The following DGKB variants were observed in gnomAD, a reference collection of about 807,000 sequenced individuals.
DGKB encodes the protein diacylglycerol kinase beta.
Under a neutral mutation model 114.3 loss-of-function variants are expected in DGKB, and 67 were observed. The ratio of observed to expected loss-of-function variants is 0.59; its 90% CI spans 0.48 to 0.72. The LOEUF is 0.72. DGKB is among the 30% of genes least tolerant of loss of function. The pLI is 0.00. For synonymous variants in DGKB, 398 were observed against 323.1 expected (o/e 1.23, Z -2.49); for missense variants, 907 against 975.2 (o/e 0.93, Z 0.93).
intron 1 of DGKB, among the ~76,000 whole-genome samples, chr7:14,928,863 T>C (rs577472938): frequency 1.5e-4 from 23 of 152,072 alleles, no homozygotes; most frequent in Non-Finnish European, 2.8e-4. Flanking sequence ...TTGTCTATTA[T>C]TCCACACTTG....
chr7:14,865,098 C>CT (rs11413154), intron 1 of DGKB, among the ~76,000 whole-genome samples: 148,224 of 152,232 alleles, frequency 0.97, 72,283 homozygotes, highest in Middle Eastern at 1. Context: ...TATTGGTGAA[C>CT]AAAATGTGAT....
intron 1 of DGKB, among the ~76,000 whole-genome samples, chr7:14,863,997 G>A (rs1402334682): frequency 6.6e-6 from 1 of 151,640 alleles, no homozygotes; most frequent in Admixed American, 6.6e-5. Flanking sequence ...TACTAGGGAG[G>A]CTGAGGCAGG....
At chr7:14,719,494 A>T (rs1409438884) in intron 5 of DGKB, among the ~76,000 whole-genome samples, 4 of 142,202 alleles carry the variant, frequency 2.8e-5, no homozygotes, top group East Asian at 2.3e-4. Flanking sequence ...ATAAACCGCA[A>T]TTATCCCTTG....
intron 1 of DGKB, among the ~76,000 whole-genome samples, chr7:14,861,683 G>A (rs868546913): frequency 6.6e-6 from 1 of 151,708 alleles, no homozygotes; most frequent in South Asian, 2.1e-4. Context: ...TTATGGCCTG[G>A]CCTGTTTTGA....
chr7:14,782,714 G>T (rs1170303171), intron 2 of DGKB, among the ~76,000 whole-genome samples: 1 of 152,134 alleles, frequency 6.6e-6, no homozygotes, highest in Non-Finnish European at 1.5e-5. Flanking sequence ...ATTCAGCAAA[G>T]ATCTAGATGA....
At chr7:14,452,284 T>C (rs1205629194) in intron 21 of DGKB, among the ~76,000 whole-genome samples, 1 of 152,106 alleles carries the variant, frequency 6.6e-6, no homozygotes, top group African/African-American at 2.4e-5. Flanking sequence ...TACGGATCAA[T>C]AGGTTTCTCA....
chr7:14,739,970 G>T (rs1422987711), intron 4 of DGKB, among the ~76,000 whole-genome samples: 2 of 152,238 alleles, frequency 1.3e-5, no homozygotes, highest in Non-Finnish European at 2.9e-5. Flanking sequence ...ATGGCCGTGT[G>T]TCTGCGTGTC....
At position 14,147,143 on chromosome 7, in the gene DGKB, C is replaced by T. The variant is rs978170637; in HGVS notation, c.*1988G>A. 9 of 152,066 alleles carry T rather than the reference C, an allele frequency of 5.9e-5. No homozygotes were observed. Among genetic ancestry groups the T allele is most frequent in the South Asian group, 2.1e-4 (1 of 4,820 alleles). 9.4% of individuals were successfully genotyped at this position (152,066 alleles called of 1,614,324 possible). A position where few individuals can be genotyped will look rare whatever the true frequency, so the allele number is the denominator to read the frequency against. ...ATACAAAAAATCAATGTGTGTGTTACGTAACATTATGTCAGTAATGTACTT... is the reference window on the plus strand; with the variant it reads ...ATACAAAAAATCAATGTGTGTGTTATGTAACATTATGTCAGTAATGTACTT... On this transcript the variant is annotated 3_prime_UTR_variant, in exon 26 of 26. Coordinates refer to ENST00000402815, the MANE Select transcript of DGKB (RefSeq NM_001350709.2).
chr7:14,420,337 G>C (rs937220279), intron 21 of DGKB, among the ~76,000 whole-genome samples: 7 of 151,768 alleles, frequency 4.6e-5, no homozygotes, highest in African/African-American at 1.7e-4. Context: ...TTGTCTCATT[G>C]ATCCTTAGGC....
chr7:14,274,736 T>C (rs976590614), intron 23 of DGKB, among the ~76,000 whole-genome samples: 4 of 152,046 alleles, frequency 2.6e-5, no homozygotes, highest in Non-Finnish European at 2.9e-5. Flanking sequence ...TTTCTTCTTG[T>C]TGTGTTCTCA....
intron 20 of DGKB, among the ~76,000 whole-genome samples, chr7:14,522,776 A>G (rs564266170): frequency 4.6e-5 from 7 of 152,222 alleles, no homozygotes; most frequent in African/African-American, 1.7e-4. Flanking sequence ...TTTTTTGGGG[A>G]AAGAATTTGT....
chr7:14,654,024 G>T (rs1231208071), intron 13 of DGKB, among the ~76,000 whole-genome samples: 1 of 152,006 alleles, frequency 6.6e-6, no homozygotes, highest in Admixed American at 6.6e-5. Context: ...ACTACTAGCA[G>T]ACCTAGGCAG....
chr7:14,243,378 T>C (rs114742243), intron 23 of DGKB, among the ~76,000 whole-genome samples: 105 of 152,270 alleles, frequency 6.9e-4, no homozygotes, highest in African/African-American at 2.5e-3. Context: ...GAGTAAGTGA[T>C]AAAAACTTGT....
Position 14,212,439 on chromosome 7 carries a change from C to CGTGTTTTGTG in DGKB, c.2123-34289_2123-34288insCACAAAACAC, listed in dbSNP as rs1227179086. 1.0e-4 allele frequency among the ~76,000 whole-genome samples: 14 copies of CGTGTTTTGTG among 136,066 alleles called. 2 individuals are homozygous for CGTGTTTTGTG. The highest frequency in any genetic ancestry group is 1.5e-4 in the African/African-American group (6 of 39,576). 89.3% of individuals were successfully genotyped at this position (136,066 alleles called of 152,430 possible). On this transcript the variant is annotated intron_variant, in intron 23 of 25. Transcript: ENST00000402815. Reference sequence around the variant, plus strand: ...TCTCGTGTTTTGTGATATTTACTCTCATGTTTTGTGTTCCTCTACATCTCT... The same window carrying CGTGTTTTGTG: ...TCTCGTGTTTTGTGATATTTACTCTCGTGTTTTGTGATGTTTTGTGTTCCTCTACATCTCT...
intron 23 of DGKB, among the ~76,000 whole-genome samples, chr7:14,278,208 A>T (rs1799318958): frequency 6.7e-6 from 1 of 148,524 alleles, no homozygotes; most frequent in Non-Finnish European, 1.5e-5. Flanking sequence ...TAAAAAGAAC[A>T]AAACTGGGGC....
intron 23 of DGKB, among the ~76,000 whole-genome samples, chr7:14,264,824 T>G (rs1797254956): frequency 6.6e-6 from 1 of 152,150 alleles, no homozygotes; most frequent in Non-Finnish European, 1.5e-5. Flanking sequence ...GCAGAAAAGC[T>G]GCCAAATTTG....
chr7:14,612,802 T>C (rs1805803892), intron 16 of DGKB, among the ~76,000 whole-genome samples: 1 of 152,164 alleles, frequency 6.6e-6, no homozygotes, highest in Admixed American at 6.6e-5. Flanking sequence ...GATTTAATCA[T>C]TCATTCATTA....
intron 21 of DGKB, among the ~76,000 whole-genome samples, chr7:14,398,842 A>AG (rs1822656538): frequency 6.6e-6 from 1 of 151,840 alleles, no homozygotes; most frequent in Admixed American, 6.6e-5. Context: ...ATTGACTTGC[A>AG]GAAGGTTATG....
At chr7:14,888,639 G>C (rs1780695797) in intron 1 of DGKB, among the ~76,000 whole-genome samples, 1 of 151,650 alleles carries the variant, frequency 6.6e-6, no homozygotes, top group Non-Finnish European at 1.5e-5. Context: ...ACCAATAAAA[G>C]ACTGAGCAAT....
Sources: gnomAD v4.1 joint callset for allele counts (sites outside exome capture counted in the v4.1 genomes callset) on GRCh38, gnomAD v4.1.1 for gene constraint, MANE v1.5 for transcripts, NCBI Gene and HGNC (gene_info 2026-07-23, HGNC 2026-07-21) for gene names.